The following CDH18 variants were observed in gnomAD, a reference collection of about 807,000 sequenced individuals.
CDH18 encodes cadherin 18.
A neutral mutation model predicts 67.9 loss-of-function variants in CDH18; 31 were observed. The ratio of observed to expected loss-of-function variants is 0.46; its 90% CI spans 0.34 to 0.62. The LOEUF is 0.62. Among genes scored for constraint, CDH18 ranks in the 20% least tolerant of loss-of-function variants. The pLI, the probability that CDH18 is intolerant of heterozygous loss-of-function variation, is 0.01. For missense variants in CDH18, 890 were observed against 975.5 expected (o/e 0.91, Z 1.17); for synonymous variants, 362 against 347.2 (o/e 1.04, Z -0.48).
Position 20,148,724 on chromosome 5 carries a change from T to C in CDH18, c.-518+106720A>G, listed in dbSNP as rs201846968. On this transcript the variant is annotated intron_variant, in intron 2 of 14. Coordinates refer to the CDH18 transcript ENST00000507958. Reference sequence around the variant, plus strand: ...GGTCTAAGGACCATAAAACCTTTACTCATATAACAGTATTAGGTAAGTGAA... The same window carrying C: ...GGTCTAAGGACCATAAAACCTTTACCCATATAACAGTATTAGGTAAGTGAA... Among the ~76,000 whole-genome samples the C allele has an allele frequency of 8.6e-5, 13 of 151,252 alleles. No individual in the cohort carries two copies. In the East Asian group the frequency reaches 2.5e-3, roughly 29 times the overall value.
At chr5:20,137,084 A>G (rs2126503929) in intron 2 of CDH18, among the ~76,000 whole-genome samples, 1 of 152,190 alleles carries the variant, frequency 6.6e-6, no homozygotes, top group African/African-American at 2.4e-5. Context: ...CTCAAGGAGT[A>G]TCTTTGTGGC....
chr5:20,533,401 C>A (rs1229915980), intron 1 of CDH18, among the ~76,000 whole-genome samples: 7 of 152,106 alleles, frequency 4.6e-5, no homozygotes, highest in Non-Finnish European at 1.0e-4. Flanking sequence ...GGGTTTATTT[C>A]TATACTTGAA....
chr5:19,747,131 A>G lies in CDH18; in HGVS notation c.334T>C (p.Ser112Pro). 1 of 1,614,060 alleles carries G rather than the reference A, an allele frequency of 6.2e-7. No individual in the cohort carries two copies. Among genetic ancestry groups the G allele is most frequent in the Non-Finnish European group, 8.5e-7 (1 of 1,179,978 alleles). ...IIDDTTGDIH[S>P]TKSLDREQKT... ...TGCTCTCTGTCTAGGCTTTTTGTTG[A>G]GTGGATATCACCCGTGGTATCGTCA... is the stretch of plus-strand genomic sequence containing the variant. The change falls in exon 4 of 13, where the codon TCA (serine) becomes CCA (proline). Residue 112 changes from serine (S) to proline (P), a missense_variant. Ser to Pro is a moderately conservative substitution (Grantham distance 74, BLOSUM62 -1). Coordinates refer to ENST00000382275, the MANE Select transcript of CDH18 (RefSeq NM_004934.5).
intron 5 of CDH18, among the ~76,000 whole-genome samples, chr5:19,618,211 C>CTT (rs1197243032): frequency 3.4e-5 from 5 of 145,218 alleles, no homozygotes; most frequent in Non-Finnish European, 6.1e-5. Flanking sequence ...ATTTTTCTTT[C>CTT]TTTTTTTTTT....
chr5:19,911,519 T>G (rs1791144184), intron 2 of CDH18, among the ~76,000 whole-genome samples: 1 of 151,366 alleles, frequency 6.6e-6, no homozygotes, highest in Admixed American at 6.6e-5. Context: ...TCTTTTGGAG[T>G]AATTAGGTTG....
At chr5:19,948,954 C>T (rs1430519005) in intron 2 of CDH18, among the ~76,000 whole-genome samples, 1 of 152,074 alleles carries the variant, frequency 6.6e-6, no homozygotes, top group Non-Finnish European at 1.5e-5. Flanking sequence ...GCCAAGACTG[C>T]TTTTTTTCAC....
chr5:20,238,599 A>G (rs1742651083), intron 2 of CDH18, among the ~76,000 whole-genome samples: 2 of 152,122 alleles, frequency 1.3e-5, no homozygotes, highest in Admixed American at 6.5e-5. Context: ...CTCATACCCC[A>G]CTGGTGGAGA....
intron 2 of CDH18, among the ~76,000 whole-genome samples, chr5:19,875,767 T>C (rs772968967): frequency 3.4e-4 from 51 of 152,040 alleles, no homozygotes; most frequent in Non-Finnish European, 6.6e-4. Context: ...TACATTTCAA[T>C]TCTTTGTATT....
intron 1 of CDH18, among the ~76,000 whole-genome samples, chr5:20,414,017 G>T (rs977187508): frequency 6.6e-6 from 1 of 151,592 alleles, no homozygotes; most frequent in Non-Finnish European, 1.5e-5. Flanking sequence ...ATCCAAATTG[G>T]CTATTATTAA....
chr5:20,085,697 C>T (rs1020314710), intron 2 of CDH18, among the ~76,000 whole-genome samples: 3 of 152,108 alleles, frequency 2.0e-5, no homozygotes, highest in African/African-American at 4.8e-5. Flanking sequence ...TTGTCTTACA[C>T]AGATGCCAGC....
chr5:20,467,398 G>C (rs1044482099), intron 1 of CDH18, among the ~76,000 whole-genome samples: 5 of 152,044 alleles, frequency 3.3e-5, no homozygotes, highest in African/African-American at 4.8e-5. Context: ...GGTTCAATAA[G>C]CTTAACTAAG....
At chr5:20,274,197 T>C (rs1457684653) in intron 1 of CDH18, among the ~76,000 whole-genome samples, 1 of 152,156 alleles carries the variant, frequency 6.6e-6, no homozygotes, top group Non-Finnish European at 1.5e-5. Context: ...CACTTTAAAT[T>C]TGAACTTCTA....
rs1561498877 is a variant in CDH18 at position 19,881,505 on chromosome 5, G to GT, written c.-256-42264_-256-42263insA. 4.3e-3 allele frequency among the ~76,000 whole-genome samples: 603 copies of GT among 138,666 alleles called. 2 individuals are homozygous for GT. Among genetic ancestry groups the GT allele is most frequent in the African/African-American group, 0.015 (573 of 37,504 alleles). 91.0% of individuals were successfully genotyped at this position (138,666 alleles called of 152,430 possible). A position where few individuals can be genotyped will look rare whatever the true frequency, so the allele number is the denominator to read the frequency against. Reference sequence around the variant, plus strand: ...CTGACAAATACCCAGCTCTTCAAGTGCTTTTTTTTTTTTTTTTTTTAAGAT... The same window carrying GT: ...CTGACAAATACCCAGCTCTTCAAGTGTCTTTTTTTTTTTTTTTTTTTAAGAT... On this transcript the variant is annotated intron_variant, in intron 2 of 12. Transcript: ENST00000382275.
At chr5:19,750,168 A>T (rs1027184122) in intron 3 of CDH18, among the ~76,000 whole-genome samples, 1 of 152,088 alleles carries the variant, frequency 6.6e-6, no homozygotes, top group Non-Finnish European at 1.5e-5. Flanking sequence ...TATTTAGTAG[A>T]CTGACTAATA....
chr5:19,940,654 A>G (rs1230874085), intron 2 of CDH18, among the ~76,000 whole-genome samples: 5 of 151,748 alleles, frequency 3.3e-5, no homozygotes, highest in African/African-American at 4.8e-5. Flanking sequence ...TCTAGAGATT[A>G]TTTTTTTCCT....
At chr5:19,655,055 G>A (rs183869547) in intron 5 of CDH18, among the ~76,000 whole-genome samples, 1 of 152,248 alleles carries the variant, frequency 6.6e-6, no homozygotes. Flanking sequence ...CACAAAAGCT[G>A]GAATGCCAGT....
chr5:19,486,191 G>A (rs751867217), intron 11 of CDH18, among the ~76,000 whole-genome samples: 15 of 151,420 alleles, frequency 9.9e-5, no homozygotes, highest in South Asian at 2.1e-4. Flanking sequence ...GTACCTCACC[G>A]GAACAGTACA....
At chr5:20,188,845 A>G (rs918610895) in intron 2 of CDH18, among the ~76,000 whole-genome samples, 3 of 78,364 alleles carry the variant, frequency 3.8e-5, no homozygotes, top group African/African-American at 1.2e-4. Context: ...CTTATTTTCT[A>G]GGCAAAAAAA....
intron 5 of CDH18, among the ~76,000 whole-genome samples, chr5:19,614,490 T>A (rs370925882): frequency 3.3e-5 from 5 of 152,102 alleles, no homozygotes; most frequent in African/African-American, 1.2e-4. Context: ...TTAGTAGGAA[T>A]TGAATTGATA....
Sources: allele counts gnomAD v4.1 joint callset (sites outside exome capture counted in the v4.1 genomes callset), GRCh38; gene constraint gnomAD v4.1.1; transcripts MANE v1.5; gene names NCBI Gene and HGNC (gene_info 2026-07-23, HGNC 2026-07-21).